The following ZCCHC7 variants were observed in gnomAD, a reference collection of about 807,000 sequenced individuals.
ZCCHC7 encodes the protein zinc finger CCHC-type containing 7, also known as zinc finger CCHC domain-containing protein 7.
A neutral mutation model predicts 52.0 loss-of-function variants in ZCCHC7; 35 were observed. The ratio of observed to expected loss-of-function variants is 0.67; its 90% CI spans 0.51 to 0.89. The LOEUF (loss-of-function observed/expected upper bound fraction) is 0.89, where lower values mean the gene tolerates loss of function less well. ZCCHC7 is among the 40% of genes least tolerant of loss of function. The pLI is 0.00. For missense variants in ZCCHC7, 574 were observed against 649.1 expected (o/e 0.88, Z 1.26); for synonymous variants, 217 against 221.5 (o/e 0.98, Z 0.18).
rs574081256 is a variant in ZCCHC7, at chr9:37,196,513, C to T, written c.610+69571C>T. Among the ~76,000 whole-genome samples, 67 of 152,022 alleles carry T rather than the reference C, an allele frequency of 4.4e-4. 1 individual carries two copies. The South Asian group carries it at 0.013, about 30-fold the overall frequency. The stretch of plus-strand genomic sequence containing the variant: ...AAAGGCATTATTTTTAGTGGTGCAG[C>T]GATTTTGGGACTTATTATAGTAGAA... On this transcript the variant is annotated intron_variant, in intron 2 of 8. Coordinates refer to ENST00000336755, the MANE Select transcript of ZCCHC7 (RefSeq NM_032226.3).
intron 2 of ZCCHC7, among the ~76,000 whole-genome samples, chr9:37,294,563 A>G (rs1301845445): frequency 6.6e-6 from 1 of 152,192 alleles, no homozygotes; most frequent in East Asian, 1.9e-4. Context: ...ACTGGTTATT[A>G]CAGAAATTGT....
chr9:37,296,765 G>A (rs978079115), intron 2 of ZCCHC7, among the ~76,000 whole-genome samples: 5 of 152,078 alleles, frequency 3.3e-5, no homozygotes, highest in Non-Finnish European at 5.9e-5. Context: ...ACGCAGTGGC[G>A]GCAGTGGCAC....
At chr9:37,331,993 T>C (rs1830468694) in intron 6 of ZCCHC7, among the ~76,000 whole-genome samples, 1 of 151,688 alleles carries the variant, frequency 6.6e-6, no homozygotes, top group South Asian at 2.1e-4. Flanking sequence ...TAATACATTA[T>C]AAGTTCATTT....
chr9:37,169,419 T>G (rs565399071), intron 2 of ZCCHC7, among the ~76,000 whole-genome samples: 4 of 152,216 alleles, frequency 2.6e-5, no homozygotes, highest in Non-Finnish European at 5.9e-5. Flanking sequence ...GATGTCATCC[T>G]TGAGATGTTT....
At chr9:37,304,167 C>T in intron 3 of ZCCHC7, 21 bp from the exon 4 acceptor site, 2 of 1,541,340 alleles carry the variant, frequency 1.3e-6, no homozygotes, top group African/African-American at 1.8e-5. Flanking sequence ...TTTTTTAATT[C>T]TTGATTTTTT....
At chr9:37,134,741 T>C in intron 2 of ZCCHC7, among the ~76,000 whole-genome samples, 1 of 152,192 alleles carries the variant, frequency 6.6e-6, no homozygotes, top group Middle Eastern at 3.2e-3. Flanking sequence ...GTTTTATTTT[T>C]TGAGACGGAA....
chr9:37,354,683 C>T lies in ZCCHC7; in HGVS notation c.1084-27C>T, dbSNP rs189345385. 94 of 1,525,512 alleles carry T rather than the reference C, an allele frequency of 6.2e-5. No individual in the cohort carries two copies. The highest frequency in any genetic ancestry group is 5.8e-4 in the Middle Eastern group (3 of 5,192). The allele number at this position is 1,525,512 out of a possible 1,614,324, so 94.5% of individuals were successfully genotyped here. A position where few individuals can be genotyped will look rare whatever the true frequency, so the allele number is the denominator to read the frequency against. On this transcript the variant is annotated intron_variant, in intron 7 of 8. Transcript: ENST00000336755. This position sits in a 1 kb window ranked among gnomAD's most constrained non-coding sequence, Gnocchi z 4.0. ...GTTTTTGAACAGTGTGACCATGTGACATCATAATTTTACATACAATTTATA... is the reference window on the plus strand; with the variant it reads ...GTTTTTGAACAGTGTGACCATGTGATATCATAATTTTACATACAATTTATA...
chr9:37,282,381 A>T (rs1316461193), intron 2 of ZCCHC7, among the ~76,000 whole-genome samples: 1 of 152,118 alleles, frequency 6.6e-6, no homozygotes, highest in Non-Finnish European at 1.5e-5. Flanking sequence ...AGACAGGCGG[A>T]TCACTAGGTC....
rs180994436 is a variant in ZCCHC7 at position 37,124,773 on chromosome 9, G to T, written c.-21-1539G>T. Among the ~76,000 whole-genome samples the T allele has an allele frequency of 2.6e-5, 4 of 152,240 alleles. No individual in the cohort carries two copies. In the East Asian group the frequency reaches 7.7e-4, roughly 29 times the overall value. ...ACTTTACACATTTATTCCCAAAGCTGGGAGTTTTGTCTCAATATTGGGTCA... is the reference window on the plus strand; with the variant it reads ...ACTTTACACATTTATTCCCAAAGCTTGGAGTTTTGTCTCAATATTGGGTCA... On this transcript the variant is annotated intron_variant, in intron 1 of 8. Coordinates refer to ENST00000336755, the MANE Select transcript of ZCCHC7 (RefSeq NM_032226.3).
intron 2 of ZCCHC7, among the ~76,000 whole-genome samples, chr9:37,298,992 A>G (rs1008725044): frequency 1.1e-4 from 17 of 152,196 alleles, no homozygotes; most frequent in African/African-American, 3.9e-4. Context: ...TTAATCTTCC[A>G]ATAGATGTTT....
Position 37,127,765 on chromosome 9 carries a change from T to G in ZCCHC7, c.610+823T>G, listed in dbSNP as rs1030654880. Among the ~76,000 whole-genome samples the G allele has an allele frequency of 3.3e-5, 5 of 152,348 alleles. No individual in the cohort carries two copies. In the South Asian group the frequency reaches 1.0e-3, roughly 32 times the overall value. On this transcript the variant is annotated intron_variant, in intron 2 of 8. Transcript: ENST00000336755. ...TGCTCCAAAATTTTTAATGGCAGCC[T>G]GCTTCCCTAGAAATGATGACATTGA...
intron 2 of ZCCHC7, among the ~76,000 whole-genome samples, chr9:37,293,344 A>G (rs2133642294): frequency 6.6e-6 from 1 of 152,330 alleles, no homozygotes; most frequent in East Asian, 1.9e-4. Context: ...GTCAGGAAGT[A>G]GACAAGGAAA....
At chr9:37,218,367 A>G (rs1398637638) in intron 2 of ZCCHC7, among the ~76,000 whole-genome samples, 1 of 152,194 alleles carries the variant, frequency 6.6e-6, no homozygotes, top group African/African-American at 2.4e-5. Context: ...GTTAACTATT[A>G]TGGGTTCATG....
chr9:37,276,354 TTGA>T (rs1296415268), intron 2 of ZCCHC7, among the ~76,000 whole-genome samples: 2 of 152,216 alleles, frequency 1.3e-5, no homozygotes, highest in Non-Finnish European at 2.9e-5. Flanking sequence ...ATTTTGTTTC[TTGA>T]TGAACAGAAG....
intron 5 of ZCCHC7, chr9:37,322,511 T>C (rs1376445124): frequency 1.3e-5 from 2 of 152,150 alleles, no homozygotes; most frequent in East Asian, 3.9e-4. Flanking sequence ...TACTTTTCTT[T>C]TTCATCAATG....
At chr9:37,217,447 A>G (rs1186114058) in intron 2 of ZCCHC7, among the ~76,000 whole-genome samples, 1 of 152,160 alleles carries the variant, frequency 6.6e-6, no homozygotes, top group Non-Finnish European at 1.5e-5. Flanking sequence ...TCAGTGAAAG[A>G]ACTGTTTAGC....
chr9:37,241,450 A>G, intron 2 of ZCCHC7, among the ~76,000 whole-genome samples: 1 of 151,858 alleles, frequency 6.6e-6, no homozygotes, highest in East Asian at 1.9e-4. Context: ...AAGTTCTCTC[A>G]TATTTCAGCT....
At chr9:37,293,536 T>C (rs1828636022) in intron 2 of ZCCHC7, among the ~76,000 whole-genome samples, 1 of 152,198 alleles carries the variant, frequency 6.6e-6, no homozygotes, top group Non-Finnish European at 1.5e-5. Flanking sequence ...ATTGTAAATA[T>C]ACATATGGTA....
chr9:37,147,740 G>C (rs552681643), intron 2 of ZCCHC7, among the ~76,000 whole-genome samples: 1 of 152,004 alleles, frequency 6.6e-6, no homozygotes, highest in Admixed American at 6.6e-5. Context: ...TGGTATTTGA[G>C]TAAATTGTAA....
Sources: allele counts gnomAD v4.1 joint callset (sites outside exome capture counted in the v4.1 genomes callset), GRCh38; gene constraint gnomAD v4.1.1; non-coding constraint Gnocchi (gnomAD v3.1); transcripts MANE v1.5; gene names NCBI Gene and HGNC (gene_info 2026-07-23, HGNC 2026-07-21).